The following BTD variants were observed in gnomAD, a reference collection of about 807,000 sequenced individuals.
The protein encoded by BTD is biocytinase.
BTD carries 13 observed loss-of-function variants against 17.7 expected under a neutral mutation model. The ratio of observed to expected loss-of-function variants is 0.74; its 90% CI spans 0.48 to 1.17. The LOEUF (loss-of-function observed/expected upper bound fraction) is 1.17. Among genes scored for constraint, BTD ranks in the 50% most tolerant of loss-of-function variants. The pLI is 0.00. For synonymous variants in BTD, 240 were observed against 245.2 expected (o/e 0.98, Z 0.20); for missense variants, 674 against 650.4 (o/e 1.04, Z -0.39).
downstream of BTD, chr3:15,714,629 T>C (rs1017227392): frequency 2.5e-6 from 4 of 1,601,008 alleles, no homozygotes; most frequent in African/African-American, 5.4e-5. Context: ...AGAGCAGTCA[T>C]GTGTAGTGGG....
At chr3:15,601,915 G>A in intron 1 of BTD, 21 bp downstream of exon 1, 5 of 1,612,976 alleles carry the variant, frequency 3.1e-6, no homozygotes, top group Non-Finnish European at 3.4e-6. Flanking sequence ...GGCGTGGTGC[G>A]GCGCGGAGGG....
chr3:15,641,923 G>A lies in BTD; in HGVS notation c.265G>A (p.Val89Met). ...TCATTTTCAGGATGTACAGATTATA[G>A]TGTTTCCAGAAGATGGCATTCATGG... ...TAAQKDVQII[V>M]FPEDGIHGFN... Residue 89 changes from valine (V) to methionine (M), a missense_variant, in exon 3 of 4, where the codon GTG (valine) becomes ATG (methionine). By Grantham distance (21) the Val-to-Met change is conservative. Coordinates refer to ENST00000643237, the MANE Select transcript of BTD (RefSeq NM_001370658.1). The A allele has an allele frequency of 1.9e-6, 3 of 1,612,314 alleles. No homozygotes were observed. Among genetic ancestry groups the A allele is most frequent in the Non-Finnish European group, 2.5e-6 (3 of 1,178,654 alleles).
intron 1 of BTD, among the ~76,000 whole-genome samples, chr3:15,620,771 C>T (rs1031574903): frequency 4.6e-5 from 7 of 152,230 alleles, no homozygotes; most frequent in Non-Finnish European, 1.0e-4. Flanking sequence ...TCCAGCTGGT[C>T]CCTCCATTCA....
At chr3:15,685,086 A>C in intron 3 of BTD, 2 of 769,664 alleles carry the variant, frequency 2.6e-6, no homozygotes, top group South Asian at 3.4e-5. Context: ...CGTACTAAGT[A>C]TTATTAGTAC....
At chr3:15,689,906 A>G (rs1037943854) in intron 3 of BTD, 7 of 1,044,230 alleles carry the variant, frequency 6.7e-6, no homozygotes, top group Non-Finnish European at 9.5e-6. Context: ...ATGATTTGAA[A>G]AAAAAAAAGG....
chr3:15,673,620 A>G (rs558534856), intron 3 of BTD, among the ~76,000 whole-genome samples: 1 of 152,364 alleles, frequency 6.6e-6, no homozygotes, highest in African/African-American at 2.4e-5. Flanking sequence ...TGGTAGGGGT[A>G]TCTAGCAAGT....
chr3:15,676,677 G>T, intron 3 of BTD: 1 of 236,622 alleles, frequency 4.2e-6, no homozygotes, highest in Non-Finnish European at 8.3e-6. Context: ...TATTACAGTT[G>T]ATTTCCACAG....
At chr3:15,614,592 CTTTTTCTTTTTTTT>C (rs1559580088) in intron 1 of BTD, among the ~76,000 whole-genome samples, 1 of 146,192 alleles carries the variant, frequency 6.8e-6, no homozygotes, top group African/African-American at 2.6e-5. Flanking sequence ...TTGACAATAT[CTTTTTCTTTTTTTT>C]TTTTTTTTTG....
intron 3 of BTD, among the ~76,000 whole-genome samples, chr3:15,703,939 A>T: frequency 6.6e-6 from 1 of 152,306 alleles, no homozygotes; most frequent in African/African-American, 2.4e-5. Context: ...AGAGCAATAT[A>T]ACTGTTGATG....
intron 1 of BTD, among the ~76,000 whole-genome samples, chr3:15,619,634 C>G (rs2064892917): frequency 6.6e-6 from 1 of 152,118 alleles, no homozygotes; most frequent in African/African-American, 2.4e-5. Flanking sequence ...TTGCACCAAC[C>G]TAAGGATTTT....
chr3:15,638,062 T>A (rs2065398790), intron 2 of BTD, among the ~76,000 whole-genome samples: 1 of 152,218 alleles, frequency 6.6e-6, no homozygotes, highest in Non-Finnish European at 1.5e-5. Context: ...CCTTACACGA[T>A]GACATGTTGC....
chr3:15,710,171 G>C (rs1206982901), exon 4 of BTD, among the ~76,000 whole-genome samples: 1 of 152,036 alleles, frequency 6.6e-6, no homozygotes, highest in African/African-American at 2.4e-5. Context: ...GAGTAGTTAA[G>C]CTTACAGCTG....
downstream of BTD, among the ~76,000 whole-genome samples, chr3:15,656,772 G>A (rs939717786): frequency 6.6e-6 from 1 of 152,178 alleles, no homozygotes; most frequent in Non-Finnish European, 1.5e-5. Context: ...TTCTTAATCA[G>A]TGTTGTGATT....
rs1648129005 is a variant in BTD, at chr3:15,647,253, C to A, written c.*1765C>A. 1 of 152,284 alleles carries A rather than the reference C, an allele frequency of 6.6e-6. No individual in the cohort carries two copies. Among genetic ancestry groups the A allele is most frequent in the Non-Finnish European group, 1.5e-5 (1 of 68,078 alleles). 9.4% of individuals were successfully genotyped at this position (152,284 alleles called of 1,614,324 possible). The stretch of plus-strand genomic sequence containing the variant: ...AGAAGCGGCCCCAGATGTGGCTACC[C>A]ACCGCCCAGTCTGCTTCCCTGCCTC... On this transcript the variant is annotated 3_prime_UTR_variant, in exon 4 of 4. Coordinates refer to ENST00000643237, the MANE Select transcript of BTD (RefSeq NM_001370658.1).
chr3:15,635,262 A>G lies in BTD; in HGVS notation c.-16-162A>G, dbSNP rs2065313852. On this transcript the variant is annotated intron_variant, in intron 1 of 3. Transcript: ENST00000643237. This position sits in a 1 kb window ranked among gnomAD's most constrained non-coding sequence, Gnocchi z 4.1. ...TGTGGCTTGCTACGTGTTTGGAGAG[A>G]AACACATACTCTTTTATTAGGAACA... 6.6e-6 allele frequency among the ~76,000 whole-genome samples: 1 copy of G among 152,236 alleles called. No individual in the cohort carries two copies. The highest frequency in any genetic ancestry group is 2.4e-5 in the African/African-American group (1 of 41,464).
intron 1 of BTD, among the ~76,000 whole-genome samples, chr3:15,612,369 C>T (rs1324423759): frequency 1.3e-5 from 2 of 152,074 alleles, no homozygotes; most frequent in Non-Finnish European, 2.9e-5. Flanking sequence ...TTTACTTCAA[C>T]CATAGGTTGG....
chr3:15,625,983 T>C (rs2065057770), intron 1 of BTD, among the ~76,000 whole-genome samples: 1 of 152,278 alleles, frequency 6.6e-6, no homozygotes, highest in African/African-American at 2.4e-5. Flanking sequence ...GTTTATTTTT[T>C]GCATGTACAT....
chr3:15,670,949 T>C (rs1055285065), intron 3 of BTD, among the ~76,000 whole-genome samples: 2 of 152,190 alleles, frequency 1.3e-5, no homozygotes, highest in African/African-American at 4.8e-5. Context: ...AGTGTCAAGG[T>C]AAGAAAAAAT....
In BTD at chr3:15,641,980, T is replaced by C. The variant is rs397514355; in HGVS notation, c.322T>C (p.Phe108Leu). Residue 108 changes from phenylalanine to leucine, a missense_variant, in exon 3 of 4, where the codon TTT becomes CTT. By Grantham distance (22) the Phe-to-Leu change is conservative. Coordinates refer to ENST00000643237, the MANE Select transcript of BTD (RefSeq NM_001370658.1). The part of the protein sequence containing the change: ...FNFTRTSIYP[F>L]LDFMPSPQVV... The stretch of plus-strand genomic sequence containing the variant: ...CTTTACAAGAACATCCATTTATCCA[T>C]TTTTGGACTTCATGCCGTCTCCCCA... The C allele has an allele frequency of 6.2e-7, 1 of 1,614,028 alleles. No homozygotes were observed. The highest frequency in any genetic ancestry group is 8.5e-7 in the Non-Finnish European group (1 of 1,179,920).
Sources: gnomAD v4.1 joint callset for allele counts (sites outside exome capture counted in the v4.1 genomes callset) on GRCh38, gnomAD v4.1.1 for gene constraint, Gnocchi (gnomAD v3.1) non-coding constraint, MANE v1.5 for transcripts, NCBI Gene and HGNC (gene_info 2026-07-23, HGNC 2026-07-21) for gene names.